The following ARNT2 variants were observed in gnomAD, a reference collection of about 807,000 sequenced individuals.
ARNT2 encodes the protein aryl hydrocarbon receptor nuclear translocator 2.
In ARNT2, 36 loss-of-function variants were observed where a neutral mutation model predicts 91.7. The ratio of observed to expected loss-of-function variants is 0.39; its 90% CI spans 0.30 to 0.52. The LOEUF is 0.52. ARNT2 is among the 20% of genes least tolerant of loss of function. ARNT2 has a pLI of 0.72. For synonymous variants in ARNT2, 365 were observed against 347.1 expected (o/e 1.05, Z -0.57); for missense variants, 775 against 939.3 (o/e 0.83, Z 2.29).
chr15:80,442,655 T>C (rs1896210698), intron 1 of ARNT2, among the ~76,000 whole-genome samples: 1 of 152,240 alleles, frequency 6.6e-6, no homozygotes, highest in Non-Finnish European at 1.5e-5. Flanking sequence ...GAGCTAGAAG[T>C]AGGCTGCTAC....
rs957730176 is a variant in ARNT2, at chr15:80,591,299, A to T, written c.1919-269A>T. 6.6e-6 allele frequency among the ~76,000 whole-genome samples: 1 copy of T among 152,138 alleles called. No homozygotes were observed. The highest frequency in any genetic ancestry group is 1.5e-5 in the Non-Finnish European group (1 of 68,022). On this transcript the variant is annotated intron_variant, in intron 17 of 18. Transcript: ENST00000303329. The surrounding 1 kb of genome is among the most constrained non-coding windows in gnomAD (Gnocchi z 5.1). The stretch of plus-strand genomic sequence containing the variant: ...CAAGGAGCACTCCAAGGCTTAAAGC[A>T]CCTAGTCACCTGGCAGGTGACCTCA...
chr15:80,547,076 G>A (rs1299858493), intron 8 of ARNT2, among the ~76,000 whole-genome samples: 1 of 152,204 alleles, frequency 6.6e-6, no homozygotes, highest in African/African-American at 2.4e-5. Flanking sequence ...GAATGGCAAT[G>A]CATAGAGCAG....
At chr15:80,450,075 A>G (rs1473972747) in intron 1 of ARNT2, among the ~76,000 whole-genome samples, 1 of 152,232 alleles carries the variant, frequency 6.6e-6, no homozygotes, top group Non-Finnish European at 1.5e-5. Context: ...AGTAGGAAAG[A>G]GAGACTGCTT....
chr15:80,409,583 G>C (rs1461756789), intron 1 of ARNT2, among the ~76,000 whole-genome samples: 4 of 151,696 alleles, frequency 2.6e-5, no homozygotes, highest in African/African-American at 4.9e-5. Context: ...GACTGATCTT[G>C]GTTCTGGGAT....
At chr15:80,439,497 A>G (rs1037125) in intron 1 of ARNT2, among the ~76,000 whole-genome samples, 35,436 of 152,158 alleles carry the variant, frequency 0.23, 4,903 homozygotes, top group African/African-American at 0.39. Flanking sequence ...ATGTTTGCAT[A>G]TATGATTCTG....
chr15:80,417,967 T>A (rs898735050), intron 1 of ARNT2, among the ~76,000 whole-genome samples: 1 of 152,116 alleles, frequency 6.6e-6, no homozygotes, highest in East Asian at 1.9e-4. Context: ...TGGGGGGTGA[T>A]CACAGCACTC....
intron 8 of ARNT2, among the ~76,000 whole-genome samples, chr15:80,533,410 T>C (rs1490272023): frequency 6.6e-6 from 1 of 152,064 alleles, no homozygotes; most frequent in African/African-American, 2.4e-5. Flanking sequence ...ATTTTAAAAG[T>C]CATGGAGGAA....
chr15:80,413,507 A>G (rs1895720773), intron 1 of ARNT2, among the ~76,000 whole-genome samples: 1 of 152,214 alleles, frequency 6.6e-6, no homozygotes, highest in Admixed American at 6.5e-5. Flanking sequence ...CCTGTTTCAA[A>G]TGCACATTCA....
chr15:80,480,437 C>T (rs542686936), intron 5 of ARNT2, among the ~76,000 whole-genome samples: 67 of 152,120 alleles, frequency 4.4e-4, no homozygotes, highest in Non-Finnish European at 8.1e-4. Flanking sequence ...TCTGGAGAAC[C>T]TTGATCCTGG....
At chr15:80,533,052 AG>A (rs1275865006) in intron 8 of ARNT2, among the ~76,000 whole-genome samples, 1 of 152,208 alleles carries the variant, frequency 6.6e-6, no homozygotes, top group Non-Finnish European at 1.5e-5. Context: ...AGCACCAGGC[AG>A]GAGGGACCGG....
intron 10 of ARNT2, among the ~76,000 whole-genome samples, chr15:80,554,103 C>A (rs1323103523): frequency 6.6e-6 from 1 of 152,164 alleles, no homozygotes; most frequent in Non-Finnish European, 1.5e-5. Flanking sequence ...TAGTTTAAAT[C>A]TTTTGCTGTT....
At chr15:80,419,367 T>C (rs796793373) in intron 1 of ARNT2, among the ~76,000 whole-genome samples, 106 of 152,364 alleles carry the variant, frequency 7.0e-4, no homozygotes, top group African/African-American at 2.5e-3. Flanking sequence ...TCAGGATGGC[T>C]GGGCTCAATC....
chr15:80,418,631 C>A (rs1314151679), intron 1 of ARNT2, among the ~76,000 whole-genome samples: 1 of 152,184 alleles, frequency 6.6e-6, no homozygotes, highest in African/African-American at 2.4e-5. Flanking sequence ...TGGGATCTGA[C>A]CACTCTCTAT....
chr15:80,501,049 C>A (rs924030277), intron 5 of ARNT2, among the ~76,000 whole-genome samples: 9 of 152,128 alleles, frequency 5.9e-5, no homozygotes, highest in African/African-American at 2.2e-4. Context: ...GTATTGACAG[C>A]ATAGTTCCCT....
chr15:80,487,628 A>C (rs1410345386), intron 5 of ARNT2: 1 of 152,396 alleles, frequency 6.6e-6, no homozygotes, highest in East Asian at 1.9e-4. Context: ...GTACTTGACC[A>C]TTGTGCCTAC....
intron 1 of ARNT2, among the ~76,000 whole-genome samples, chr15:80,412,448 A>G (rs1344052216): frequency 6.6e-6 from 1 of 152,182 alleles, no homozygotes; most frequent in Non-Finnish European, 1.5e-5. Flanking sequence ...TCTGCCACCC[A>G]TAACTAACAT....
At chr15:80,479,604 C>T (rs761085766) in intron 5 of ARNT2, among the ~76,000 whole-genome samples, 13 of 152,172 alleles carry the variant, frequency 8.5e-5, no homozygotes, top group Non-Finnish European at 1.5e-4. Flanking sequence ...GTTTCTAAGG[C>T]TCCTTCCAGC....
Position 80,516,880 on chromosome 15 carries a change from A to G in ARNT2, c.877+2475A>G, listed in dbSNP as rs1429153556. On this transcript the variant is annotated intron_variant, in intron 8 of 18. Coordinates refer to ENST00000303329, the MANE Select transcript of ARNT2 (RefSeq NM_014862.4). ...ATCCATGTTCAAAAAATATTATGCCACTTCATGTATAGTGCAGGCACCTTA... is the reference window on the plus strand; with the variant it reads ...ATCCATGTTCAAAAAATATTATGCCGCTTCATGTATAGTGCAGGCACCTTA... 5.8e-5 allele frequency among the ~76,000 whole-genome samples: 6 copies of G among 103,900 alleles called. No individual in the cohort carries two copies. In the East Asian group the frequency reaches 1.8e-3, roughly 31 times the overall value. The allele number at this position is 103,900 out of a possible 152,430, so 68.2% of individuals were successfully genotyped here.
intron 5 of ARNT2, among the ~76,000 whole-genome samples, chr15:80,500,071 G>T (rs970729511): frequency 6.6e-6 from 1 of 152,196 alleles, no homozygotes; most frequent in African/African-American, 2.4e-5. Context: ...CCCACCTTTA[G>T]TAGTAGAAGG....
Sources: allele counts gnomAD v4.1 joint callset (sites outside exome capture counted in the v4.1 genomes callset), GRCh38; gene constraint gnomAD v4.1.1; non-coding constraint Gnocchi (gnomAD v3.1); transcripts MANE v1.5; gene names NCBI Gene and HGNC (gene_info 2026-07-23, HGNC 2026-07-21).